IL1R1: variants seen among roughly 807,000 people sequenced by gnomAD.
IL1R1 encodes interleukin 1 receptor type 1.
Under a neutral mutation model 50.2 loss-of-function variants are expected in IL1R1, and 22 were observed. That is an observed-to-expected ratio of 0.44 (90% CI 0.31 to 0.63). The LOEUF (loss-of-function observed/expected upper bound fraction) is 0.63, where lower values mean the gene tolerates loss of function less well. Among genes scored for constraint, IL1R1 ranks in the 20% least tolerant of loss-of-function variants. The pLI, the probability that IL1R1 is intolerant of heterozygous loss-of-function variation, is 0.07. For missense variants in IL1R1, 509 were observed against 676.2 expected (o/e 0.75, Z 2.74); for synonymous variants, 251 against 236.7 (o/e 1.06, Z -0.55).
chr2:102,152,475 A>C (rs1469970432), intron 1 of IL1R1, among the ~76,000 whole-genome samples: 1 of 123,960 alleles, frequency 8.1e-6, no homozygotes, highest in African/African-American at 3.1e-5. Context: ...ACTGCACTCC[A>C]GCCTGGGGGA....
At position 102,172,280 on chromosome 2, in the gene IL1R1, T is replaced by G. The variant is rs1685756174; in HGVS notation, c.839+362T>G. The G allele has an allele frequency of 3.0e-6, 3 of 985,202 alleles. No homozygotes were observed. In the Admixed American group the frequency reaches 1.8e-4, roughly 61 times the overall value. The allele number at this position is 985,202 out of a possible 1,614,324, so 61.0% of individuals were successfully genotyped here. ...AGGCAATCCACTGCTCTCGAAAGCCTCTACTGGTTTCCTACTGCTCATCTA... is the reference window on the plus strand; with the variant it reads ...AGGCAATCCACTGCTCTCGAAAGCCGCTACTGGTTTCCTACTGCTCATCTA... On this transcript the variant is annotated intron_variant, in intron 8 of 11. Coordinates refer to ENST00000410023, the MANE Select transcript of IL1R1 (RefSeq NM_000877.4).
intron 1 of IL1R1, among the ~76,000 whole-genome samples, chr2:102,097,971 G>C (rs1679976983): frequency 6.6e-6 from 1 of 151,812 alleles, no homozygotes; most frequent in Non-Finnish European, 1.5e-5. Context: ...CCCAGTATAA[G>C]AAAATAAAAT....
Position 102,111,911 on chromosome 2 carries a change from A to C in IL1R1, c.-84+7039A>C, listed in dbSNP as rs183197491. On this transcript the variant is annotated intron_variant, in intron 1 of 10. Transcript: ENST00000409329. ...CTGAGAGCTTTCCTCAGGGCTTCTG[A>C]GTGGGCAAAGGGCAGAACTGGAACT... is the stretch of plus-strand genomic sequence containing the variant. 1.6e-4 allele frequency among the ~76,000 whole-genome samples: 25 copies of C among 152,254 alleles called. No homozygotes were observed. The East Asian group carries it at 4.6e-3, about 28-fold the overall frequency.
At position 102,148,158 on chromosome 2, in the gene IL1R1, C is replaced by T. The variant is rs138649437; in HGVS notation, c.-84+5138C>T. ...TTTGGGTTGTGTGCACATGATAGAG[C>T]GTGGGTGACTAATCTCCACGAGATG... On this transcript the variant is annotated intron_variant, in intron 1 of 11. Coordinates refer to ENST00000410023, the MANE Select transcript of IL1R1 (RefSeq NM_000877.4). Among the ~76,000 whole-genome samples, 784 of 152,268 alleles carry T rather than the reference C, an allele frequency of 5.1e-3. 5 individuals are homozygous for T. The highest frequency in any genetic ancestry group is 0.018 in the African/African-American group (728 of 41,546).
At chr2:102,157,213 A>G (rs2104527770) in intron 2 of IL1R1, among the ~76,000 whole-genome samples, 1 of 152,308 alleles carries the variant, frequency 6.6e-6, no homozygotes, top group South Asian at 2.1e-4. Flanking sequence ...CTATGTAGCT[A>G]TATCCTATTG....
At chr2:102,074,061 G>A (rs1219704771) in intron 1 of IL1R1, among the ~76,000 whole-genome samples, 3 of 152,284 alleles carry the variant, frequency 2.0e-5, no homozygotes, top group South Asian at 4.1e-4. Context: ...TGAGCAGCAC[G>A]TGGTCTCTAG....
At chr2:102,108,376 C>T (rs1035502051) in intron 1 of IL1R1, among the ~76,000 whole-genome samples, 1 of 152,018 alleles carries the variant, frequency 6.6e-6, no homozygotes, top group African/African-American at 2.4e-5. Flanking sequence ...TTATTCCATT[C>T]TTGTACAGGA....
intron 3 of IL1R1, among the ~76,000 whole-genome samples, chr2:102,159,859 G>A (rs1232613586): frequency 6.6e-6 from 1 of 152,186 alleles, no homozygotes; most frequent in East Asian, 1.9e-4. Flanking sequence ...TTAGAGCTGG[G>A]AAGAGTAGGA....
At chr2:102,116,702 C>T (rs1681093956) in intron 1 of IL1R1, among the ~76,000 whole-genome samples, 1 of 152,152 alleles carries the variant, frequency 6.6e-6, no homozygotes, top group Non-Finnish European at 1.5e-5. Context: ...ACAACCATAA[C>T]AACAAAACAG....
intron 1 of IL1R1, among the ~76,000 whole-genome samples, chr2:102,095,856 A>T (rs1429516111): frequency 2.0e-5 from 3 of 152,100 alleles, no homozygotes; most frequent in Non-Finnish European, 2.9e-5. Flanking sequence ...TAGAAAAATT[A>T]GCTGGGTGTG....
At chr2:102,078,729 C>G (rs143775010) in intron 1 of IL1R1, among the ~76,000 whole-genome samples, 1 of 152,140 alleles carries the variant, frequency 6.6e-6, no homozygotes, top group South Asian at 2.1e-4. Context: ...GGGACACTTG[C>G]GAATTCATCC....
At chr2:102,095,607 A>G (rs749114112) in intron 1 of IL1R1, among the ~76,000 whole-genome samples, 3 of 152,046 alleles carry the variant, frequency 2.0e-5, no homozygotes, top group Non-Finnish European at 4.4e-5. Flanking sequence ...CTCTCTTTCT[A>G]CCTCCCTGCT....
At position 102,111,809 on chromosome 2, in the gene IL1R1, T is replaced by C. The variant is rs540660280; in HGVS notation, c.-84+6937T>C. Reference sequence around the variant, plus strand: ...TGGGGTCTCAGGAGACAGCTGCAAGTAGGGCTTCTCTGACATCCTTTTCTC... The same window carrying C: ...TGGGGTCTCAGGAGACAGCTGCAAGCAGGGCTTCTCTGACATCCTTTTCTC... On this transcript the variant is annotated intron_variant, in intron 1 of 10. Transcript: ENST00000409329. Among the ~76,000 whole-genome samples the C allele has an allele frequency of 6.6e-5, 10 of 152,228 alleles. No individual in the cohort carries two copies. The South Asian group carries it at 1.2e-3, about 19-fold the overall frequency.
intron 1 of IL1R1, among the ~76,000 whole-genome samples, chr2:102,145,616 A>G (rs1011584166): frequency 3.3e-5 from 5 of 152,332 alleles, no homozygotes; most frequent in African/African-American, 2.4e-5. Flanking sequence ...GGGTAAAAGG[A>G]AAACAAGAGC....
chr2:102,093,054 T>C (rs912755970), intron 1 of IL1R1, among the ~76,000 whole-genome samples: 1 of 152,224 alleles, frequency 6.6e-6, no homozygotes, highest in Non-Finnish European at 1.5e-5. Flanking sequence ...ATTATTAACT[T>C]GTTTCCACTT....
intron 1 of IL1R1, among the ~76,000 whole-genome samples, chr2:102,150,837 G>C (rs1559490315): frequency 6.6e-6 from 1 of 152,174 alleles, no homozygotes; most frequent in Non-Finnish European, 1.5e-5. Flanking sequence ...GCCAGTCCAG[G>C]GGTTTCACAC....
chr2:102,146,143 C>T (rs1683100216), intron 1 of IL1R1, among the ~76,000 whole-genome samples: 1 of 152,032 alleles, frequency 6.6e-6, no homozygotes, highest in Non-Finnish European at 1.5e-5. Flanking sequence ...AGAGTCTAGC[C>T]ATGCTGGTCT....
intron 2 of IL1R1, among the ~76,000 whole-genome samples, chr2:102,157,044 G>C (rs1296744278): frequency 6.6e-6 from 1 of 152,222 alleles, no homozygotes; most frequent in Non-Finnish European, 1.5e-5. Context: ...AGGTTGAGCA[G>C]AGGGGATAAG....
At chr2:102,111,139 G>C (rs926918368) in intron 1 of IL1R1, among the ~76,000 whole-genome samples, 50 of 152,236 alleles carry the variant, frequency 3.3e-4, no homozygotes, top group African/African-American at 1.2e-3. Context: ...GTTTAGGGCT[G>C]TGGCAAGGAG....
Sources: gnomAD v4.1 joint callset for allele counts (sites outside exome capture counted in the v4.1 genomes callset) on GRCh38, gnomAD v4.1.1 for gene constraint, MANE v1.5 for transcripts, NCBI Gene and HGNC (gene_info 2026-07-23, HGNC 2026-07-21) for gene names.